EYS: variants seen among roughly 807,000 people sequenced by gnomAD.
EYS encodes protein eyes shut homolog.
A neutral mutation model predicts 282.1 loss-of-function variants in EYS; 250 were observed. The ratio of observed to expected loss-of-function variants is 0.89; its 90% CI spans 0.80 to 0.98. The LOEUF (loss-of-function observed/expected upper bound fraction) is 0.98, where lower values mean the gene tolerates loss of function less well. EYS is among the 50% of genes least tolerant of loss of function. The probability of loss-of-function intolerance (pLI) is 0.00; values close to 1 mark genes in which losing one functional copy is unlikely to be tolerated. For synonymous variants in EYS, 1,355 were observed against 1,282.9 expected (o/e 1.06, Z -1.20); for missense variants, 4,016 against 3,709.0 (o/e 1.08, Z -2.15).
intron 29 of EYS, among the ~76,000 whole-genome samples, chr6:64,323,986 A>C (rs540042256): frequency 6.6e-6 from 1 of 152,262 alleles, no homozygotes; most frequent in South Asian, 2.1e-4. Flanking sequence ...TTCTGGGGGA[A>C]GTTTACATTC....
chr6:63,914,633 G>C (rs201215794), intron 35 of EYS, among the ~76,000 whole-genome samples: 1 of 151,868 alleles, frequency 6.6e-6, no homozygotes, highest in Non-Finnish European at 1.5e-5. Flanking sequence ...ACCTGAACTC[G>C]GGAGGCAGAG....
chr6:64,985,770 G>A (rs1392491959), intron 14 of EYS, among the ~76,000 whole-genome samples: 1 of 151,418 alleles, frequency 6.6e-6, no homozygotes, highest in Non-Finnish European at 1.5e-5. Flanking sequence ...GCTGAATCTG[G>A]CAATCTTAGA....
At chr6:64,553,685 G>A (rs914288829) in intron 26 of EYS, among the ~76,000 whole-genome samples, 1 of 151,696 alleles carries the variant, frequency 6.6e-6, no homozygotes, top group Non-Finnish European at 1.5e-5. Flanking sequence ...TTAACTCTGT[G>A]TCAACAAAGC....
chr6:64,474,519 G>A (rs890499403), intron 26 of EYS, among the ~76,000 whole-genome samples: 10 of 152,110 alleles, frequency 6.6e-5, no homozygotes, highest in Admixed American at 6.5e-4. Context: ...CATCCCAGAA[G>A]CTTATTAGTT....
intron 34 of EYS, among the ~76,000 whole-genome samples, chr6:63,996,904 A>G (rs972922656): frequency 6.6e-6 from 1 of 152,148 alleles, no homozygotes; most frequent in Non-Finnish European, 1.5e-5. Context: ...CTCCAAATTA[A>G]TACAGGTGTT....
At chr6:65,220,990 G>A (rs542889910) in intron 12 of EYS, among the ~76,000 whole-genome samples, 3 of 152,166 alleles carry the variant, frequency 2.0e-5, no homozygotes, top group African/African-American at 7.2e-5. Context: ...ATGATTTAGG[G>A]TATCTGGCAG....
chr6:65,419,546 C>A (rs1243595612), intron 5 of EYS, among the ~76,000 whole-genome samples: 2 of 151,766 alleles, frequency 1.3e-5, no homozygotes, highest in African/African-American at 4.8e-5. Context: ...TCATTATGTT[C>A]TAGAACAGCT....
chr6:64,222,293 CTTAAA>C (rs71645392), intron 31 of EYS, among the ~76,000 whole-genome samples: 39,284 of 151,708 alleles, frequency 0.26, 5,508 homozygotes, highest in East Asian at 0.43. Flanking sequence ...CATATAAATT[CTTAAA>C]TTAAGTTTTT....
chr6:64,006,835 G>A (rs1768370794), intron 33 of EYS, among the ~76,000 whole-genome samples: 1 of 152,086 alleles, frequency 6.6e-6, no homozygotes, highest in African/African-American at 2.4e-5. Context: ...TCATCCCAAG[G>A]ATAGAGCCTA....
chr6:64,612,214 A>T (rs938642222), intron 24 of EYS, among the ~76,000 whole-genome samples: 1 of 152,080 alleles, frequency 6.6e-6, no homozygotes, highest in African/African-American at 2.4e-5. Flanking sequence ...CTTCATTTTA[A>T]TACAAATACA....
At chr6:63,993,847 T>C (rs1767712843) in intron 34 of EYS, among the ~76,000 whole-genome samples, 1 of 151,878 alleles carries the variant, frequency 6.6e-6, no homozygotes, top group Admixed American at 6.6e-5. Flanking sequence ...AAAACATTCT[T>C]GAGAAAGAAT....
chr6:64,798,171 G>A (rs1308458655), intron 22 of EYS, among the ~76,000 whole-genome samples: 7 of 151,668 alleles, frequency 4.6e-5, no homozygotes, highest in Non-Finnish European at 7.4e-5. Context: ...GTTTAACTTG[G>A]AATGATACAA....
intron 26 of EYS, among the ~76,000 whole-genome samples, chr6:64,449,880 C>T (rs1342443234): frequency 3.9e-5 from 6 of 152,044 alleles, no homozygotes; most frequent in African/African-American, 9.7e-5. Flanking sequence ...AAGGAACAAC[C>T]GGTACCAGCC....
At chr6:65,397,001 A>T (rs1766302177) in intron 7 of EYS, among the ~76,000 whole-genome samples, 1 of 151,762 alleles carries the variant, frequency 6.6e-6, no homozygotes, top group African/African-American at 2.4e-5. Flanking sequence ...TTCTCTAATA[A>T]TTGTCTGTAT....
intron 5 of EYS, among the ~76,000 whole-genome samples, chr6:65,418,906 G>T (rs1767348020): frequency 6.6e-6 from 1 of 151,932 alleles, no homozygotes; most frequent in South Asian, 2.1e-4. Flanking sequence ...TCCAATTGTG[G>T]TTGGACAGTG....
chr6:65,690,723 C>G (rs756800817), intron 1 of EYS, among the ~76,000 whole-genome samples: 8 of 150,150 alleles, frequency 5.3e-5, no homozygotes, highest in Non-Finnish European at 1.0e-4. Flanking sequence ...AATGCTATCC[C>G]TCCTCTAGCC....
At chr6:65,566,169 T>C (rs915777379) in intron 2 of EYS, among the ~76,000 whole-genome samples, 14 of 152,056 alleles carry the variant, frequency 9.2e-5, no homozygotes, top group Non-Finnish European at 1.6e-4. Context: ...TTGACTTTCC[T>C]TGGGGACATG....
At chr6:64,803,780 C>T (rs1055192426) in intron 22 of EYS, among the ~76,000 whole-genome samples, 5 of 152,202 alleles carry the variant, frequency 3.3e-5, no homozygotes, top group Non-Finnish European at 7.3e-5. Flanking sequence ...CACACCTGGC[C>T]GGTCCTGACA....
chr6:65,345,881 A>G (rs1554186152), intron 9 of EYS, among the ~76,000 whole-genome samples: 4 of 150,898 alleles, frequency 2.7e-5, no homozygotes, highest in Non-Finnish European at 5.9e-5. Context: ...TATAATTATG[A>G]AAAAAAAATT....
Sources: allele counts gnomAD v4.1 joint callset (sites outside exome capture counted in the v4.1 genomes callset), GRCh38; gene constraint gnomAD v4.1.1; transcripts MANE v1.5; gene names NCBI Gene and HGNC (gene_info 2026-07-23, HGNC 2026-07-21).